The following KCNT2 variants were observed in gnomAD, a reference collection of about 807,000 sequenced individuals.
KCNT2 encodes the protein potassium sodium-activated channel subfamily T member 2, also known as potassium channel subfamily T member 2.
A neutral mutation model predicts 153.8 loss-of-function variants in KCNT2; 67 were observed. That is an observed-to-expected ratio of 0.44 (90% CI 0.36 to 0.53). The LOEUF is 0.53. Among genes scored for constraint, KCNT2 ranks in the 20% least tolerant of loss-of-function variants. The probability of loss-of-function intolerance (pLI) is 0.00; values close to 1 mark genes in which losing one functional copy is unlikely to be tolerated. For missense variants in KCNT2, 975 were observed against 1,354.8 expected (o/e 0.72, Z 4.40); for synonymous variants, 500 against 458.8 (o/e 1.09, Z -1.15).
intron 26 of KCNT2, among the ~76,000 whole-genome samples, chr1:196,245,791 C>T (rs192392156): frequency 3.3e-5 from 5 of 152,114 alleles, no homozygotes; most frequent in African/African-American, 7.2e-5. Flanking sequence ...TATGAAAGTA[C>T]GGTCAGAGGA....
chr1:196,429,483 G>T, intron 9 of KCNT2, 94 bp downstream of exon 9: 1 of 735,380 alleles, frequency 1.4e-6, no homozygotes, highest in Non-Finnish European at 2.1e-6. Context: ...ATTAGTGTTA[G>T]ATAAATAAGC....
chr1:196,267,463 T>G (rs1039902717), intron 25 of KCNT2, among the ~76,000 whole-genome samples: 4 of 152,138 alleles, frequency 2.6e-5, no homozygotes, highest in Non-Finnish European at 5.9e-5. Context: ...CAAGTATCAC[T>G]TTTTACTTAA....
chr1:196,592,832 T>C (rs550019477), intron 1 of KCNT2, among the ~76,000 whole-genome samples: 53 of 149,058 alleles, frequency 3.6e-4, no homozygotes, highest in East Asian at 3.9e-4. Flanking sequence ...CTTTTATGTA[T>C]TTTAATTTTT....
intron 1 of KCNT2, among the ~76,000 whole-genome samples, chr1:196,519,518 T>A (rs558878938): frequency 1.7e-4 from 25 of 151,148 alleles, no homozygotes; most frequent in East Asian, 7.7e-4. Flanking sequence ...TTAATTTTTT[T>A]AAAAAAATAA....
chr1:196,285,377 G>A (rs1659559031), intron 23 of KCNT2, among the ~76,000 whole-genome samples: 1 of 151,992 alleles, frequency 6.6e-6, no homozygotes, highest in East Asian at 1.9e-4. Context: ...CATGCAAAAT[G>A]TACTAAAATG....
intron 8 of KCNT2, among the ~76,000 whole-genome samples, chr1:196,444,294 C>T (rs932890364): frequency 2.6e-5 from 4 of 151,202 alleles, no homozygotes; most frequent in African/African-American, 7.3e-5. Flanking sequence ...ATCAGAAATC[C>T]GTTTCTAAAT....
At chr1:196,386,285 T>C (rs1231012933) in intron 13 of KCNT2, among the ~76,000 whole-genome samples, 1 of 152,174 alleles carries the variant, frequency 6.6e-6, no homozygotes, top group Non-Finnish European at 1.5e-5. Context: ...AGATTATTAC[T>C]TCTCCCAAAT....
chr1:196,429,982 TCA>T (rs1673991087), intron 8 of KCNT2, among the ~76,000 whole-genome samples: 1 of 152,228 alleles, frequency 6.6e-6, no homozygotes, highest in South Asian at 2.1e-4. Context: ...AGCTAAAATA[TCA>T]CACAGTATAT....
intron 16 of KCNT2, among the ~76,000 whole-genome samples, chr1:196,338,380 C>T (rs1337486939): frequency 6.6e-6 from 1 of 151,802 alleles, no homozygotes; most frequent in Admixed American, 6.6e-5. Flanking sequence ...AATAAAAAGC[C>T]TATAAAGAAA....
intron 25 of KCNT2, among the ~76,000 whole-genome samples, chr1:196,267,033 T>C (rs142858390): frequency 2.8e-4 from 43 of 152,338 alleles, no homozygotes; most frequent in African/African-American, 1.0e-3. Context: ...GAAAGGCTTA[T>C]AGCTTTTCTT....
chr1:196,260,650 A>G (rs993411611), intron 25 of KCNT2, among the ~76,000 whole-genome samples: 2 of 151,902 alleles, frequency 1.3e-5, no homozygotes, highest in Non-Finnish European at 2.9e-5. Context: ...TCCAAACCCA[A>G]AACACATCAA....
chr1:196,512,310 A>G (rs770305464), intron 1 of KCNT2, among the ~76,000 whole-genome samples: 1 of 152,158 alleles, frequency 6.6e-6, no homozygotes, highest in Non-Finnish European at 1.5e-5. Flanking sequence ...TAACCCAAGT[A>G]TATGTCCAGG....
At chr1:196,440,670 A>G (rs1218284534) in intron 8 of KCNT2, among the ~76,000 whole-genome samples, 1 of 151,916 alleles carries the variant, frequency 6.6e-6, no homozygotes, top group Non-Finnish European at 1.5e-5. Flanking sequence ...CTGTTCCATA[A>G]AGGAATTTAA....
chr1:196,576,867 C>T (rs995724401), intron 1 of KCNT2, among the ~76,000 whole-genome samples: 1 of 151,986 alleles, frequency 6.6e-6, no homozygotes, highest in Non-Finnish European at 1.5e-5. Flanking sequence ...TTCTATCTTG[C>T]CTATACTTAT....
intron 25 of KCNT2, among the ~76,000 whole-genome samples, chr1:196,260,428 C>A (rs1461668220): frequency 6.6e-6 from 1 of 151,638 alleles, no homozygotes; most frequent in Non-Finnish European, 1.5e-5. Context: ...GAACTGAAAC[C>A]TATGTATACA....
At position 196,463,877 on chromosome 1, in the gene KCNT2, C is replaced by T. The variant is rs141801522; in HGVS notation, c.638+1416G>A. ...ATGAAGATTTATTGTGATGAAGATGCCTCCAGAACAAAAGTACTGCTAAAT... is the reference window on the plus strand; with the variant it reads ...ATGAAGATTTATTGTGATGAAGATGTCTCCAGAACAAAAGTACTGCTAAAT... On this transcript the variant is annotated intron_variant, in intron 8 of 27. Coordinates refer to ENST00000294725, the MANE Select transcript of KCNT2 (RefSeq NM_198503.5). Among the ~76,000 whole-genome samples the T allele has an allele frequency of 5.9e-5, 9 of 151,794 alleles. No individual in the cohort carries two copies. The East Asian group carries it at 1.6e-3, about 26-fold the overall frequency.
intron 8 of KCNT2, 68 bp from the exon 9 acceptor site, chr1:196,429,825 T>C: frequency 8.9e-7 from 1 of 1,125,714 alleles, no homozygotes; most frequent in Admixed American, 2.6e-5. Context: ...ATCATTATTC[T>C]TTTGAAAGCC....
intron 1 of KCNT2, among the ~76,000 whole-genome samples, chr1:196,534,579 A>G (rs1456495581): frequency 6.6e-6 from 1 of 152,188 alleles, no homozygotes; most frequent in Non-Finnish European, 1.5e-5. Context: ...ATTAAGTGGA[A>G]CAAACGTATT....
chr1:196,563,183 G>A (rs981405093), intron 1 of KCNT2, among the ~76,000 whole-genome samples: 6 of 151,880 alleles, frequency 4.0e-5, no homozygotes, highest in Admixed American at 3.3e-4. Flanking sequence ...TTAGAAATAC[G>A]AAAGAAAGAC....
Sources: gnomAD v4.1 joint callset for allele counts (sites outside exome capture counted in the v4.1 genomes callset) on GRCh38, gnomAD v4.1.1 for gene constraint, MANE v1.5 for transcripts, NCBI Gene and HGNC (gene_info 2026-07-23, HGNC 2026-07-21) for gene names.